Variants in CERS6 observed in about 807,000 individuals in gnomAD.
CERS6 encodes the protein LAG1 homolog, ceramide synthase 6.
Under a neutral mutation model 56.8 loss-of-function variants are expected in CERS6, and 26 were observed. The observed-to-expected ratio is 0.46, with a 90% confidence interval of 0.34 to 0.63. The LOEUF (loss-of-function observed/expected upper bound fraction) is 0.63. Ranked by LOEUF, CERS6 falls within the 30% of genes least tolerant of loss-of-function variation. The pLI, the probability that CERS6 is intolerant of heterozygous loss-of-function variation, is 0.01. For synonymous variants in CERS6, 164 were observed against 173.3 expected, an observed-to-expected ratio of 0.95 and a Z score of 0.42; for missense variants, 415 against 467.5, an observed-to-expected ratio of 0.89 and a Z score of 1.04.
intron 8 of CERS6, among the ~76,000 whole-genome samples, chr2:168,750,264 A>G (rs1684223548): frequency 6.6e-6 from 1 of 152,224 alleles, no homozygotes; most frequent in South Asian, 2.1e-4. Flanking sequence ...GCTGTATGTT[A>G]TCATTCTCAT....
At chr2:168,466,399 C>T (rs1693878364) in intron 1 of CERS6, among the ~76,000 whole-genome samples, 2 of 152,132 alleles carry the variant, frequency 1.3e-5, no homozygotes, top group South Asian at 2.1e-4. Context: ...CAGGTATATC[C>T]TATGGAAGCT....
chr2:168,528,650 G>GAGGAATTTGCAAGCAAATTTGTT (rs71003044), intron 1 of CERS6, among the ~76,000 whole-genome samples: 1 of 151,992 alleles, frequency 6.6e-6, no homozygotes, highest in Non-Finnish European at 1.5e-5. Context: ...AGAAGAACTA[G>GAGGAATTTGCAAGCAAATTTGTT]AGGTTCATAG....
intron 2 of CERS6, among the ~76,000 whole-genome samples, chr2:168,557,390 G>GGGTT (rs2105378795): frequency 6.6e-6 from 1 of 152,228 alleles, no homozygotes; most frequent in South Asian, 2.1e-4. Flanking sequence ...AATACTAACA[G>GGGTT]GGTTCCTTGT....
intron 4 of CERS6, among the ~76,000 whole-genome samples, chr2:168,648,772 C>A (rs188086792): frequency 1.4e-3 from 206 of 152,092 alleles, no homozygotes; most frequent in African/African-American, 4.6e-3. Context: ...GCCTTAATTT[C>A]TTTATTTCCA....
At chr2:168,731,917 C>T (rs769119344) in intron 8 of CERS6, among the ~76,000 whole-genome samples, 2 of 152,190 alleles carry the variant, frequency 1.3e-5, no homozygotes, top group Non-Finnish European at 1.5e-5. Context: ...ATGTTAGGAG[C>T]ACAATTTGCC....
At chr2:168,464,174 T>TTG (rs35372610) in intron 1 of CERS6, among the ~76,000 whole-genome samples, 19,271 of 139,538 alleles carry the variant, frequency 0.14, 1,361 homozygotes, top group Non-Finnish European at 0.16. Flanking sequence ...TTTATACTTT[T>TTG]TGTGTGTGTG....
chr2:168,744,432 T>G (rs1684037886), intron 8 of CERS6, among the ~76,000 whole-genome samples: 3 of 152,150 alleles, frequency 2.0e-5, no homozygotes, highest in Admixed American at 6.5e-5. Flanking sequence ...TGGGCTTTAC[T>G]TATTGTCTGA....
chr2:168,576,378 T>C (rs1349302806), intron 3 of CERS6, among the ~76,000 whole-genome samples: 1 of 152,234 alleles, frequency 6.6e-6, no homozygotes, highest in Non-Finnish European at 1.5e-5. Context: ...TTTCATTTAC[T>C]GCCCAAATAC....
chr2:168,488,555 T>C (rs1037078263), intron 1 of CERS6, among the ~76,000 whole-genome samples: 1 of 152,116 alleles, frequency 6.6e-6, no homozygotes, highest in African/African-American at 2.4e-5. Context: ...TTAATATAGT[T>C]AGTGACATGA....
At chr2:168,727,216 A>G (rs1439255425) in intron 8 of CERS6, among the ~76,000 whole-genome samples, 1 of 151,930 alleles carries the variant, frequency 6.6e-6, no homozygotes, top group East Asian at 1.9e-4. Context: ...TAGGGGAATT[A>G]TCTGTGGATT....
chr2:168,617,707 C>CAATAACAAGCAGTGAGATTCA lies in CERS6; in HGVS notation c.408-13274_408-13254dup, dbSNP rs796737678. ...GAAGAATTAGACACCCTGAACGGAC[C>CAATAACAAGCAGTGAGATTCA]AATAACAAGCAGTGAGATTCAAATG... On this transcript the variant is annotated intron_variant, in intron 3 of 9. Transcript: ENST00000305747. Among the ~76,000 whole-genome samples, 199 of 152,150 alleles carry CAATAACAAGCAGTGAGATTCA rather than the reference C, an allele frequency of 1.3e-3. 4 individuals carry two copies. Among genetic ancestry groups the CAATAACAAGCAGTGAGATTCA allele is most frequent in the African/African-American group, 4.7e-3 (195 of 41,512 alleles).
chr2:168,619,883 A>T (rs115730759), intron 3 of CERS6, among the ~76,000 whole-genome samples: 1 of 151,060 alleles, frequency 6.6e-6, no homozygotes, highest in Admixed American at 6.6e-5. Context: ...TTGCACACTC[A>T]TGTTTATAGC....
intron 8 of CERS6, among the ~76,000 whole-genome samples, chr2:168,719,247 G>T (rs1161739573): frequency 6.6e-6 from 1 of 152,184 alleles, no homozygotes; most frequent in Non-Finnish European, 1.5e-5. Context: ...ATAATTTGGG[G>T]TATGGGGTGG....
At chr2:168,549,586 G>T (rs1695529043) in intron 2 of CERS6, among the ~76,000 whole-genome samples, 1 of 152,170 alleles carries the variant, frequency 6.6e-6, no homozygotes, top group African/African-American at 2.4e-5. Flanking sequence ...AGTGAGCAGA[G>T]ATCACGCCAC....
At chr2:168,509,003 TC>T (rs1200802249) in intron 1 of CERS6, among the ~76,000 whole-genome samples, 1 of 152,186 alleles carries the variant, frequency 6.6e-6, no homozygotes, top group African/African-American at 2.4e-5. Flanking sequence ...AGTTTTACTT[TC>T]TAGATGGTAA....
At chr2:168,602,095 C>A (rs1276420021) in intron 3 of CERS6, among the ~76,000 whole-genome samples, 2 of 152,152 alleles carry the variant, frequency 1.3e-5, no homozygotes, top group African/African-American at 2.4e-5. Flanking sequence ...ATGCTGTACA[C>A]GTATTTCAGC....
intron 6 of CERS6, among the ~76,000 whole-genome samples, chr2:168,707,754 G>T (rs1263010909): frequency 6.6e-6 from 1 of 152,114 alleles, no homozygotes; most frequent in Non-Finnish European, 1.5e-5. Flanking sequence ...AGAATCAACT[G>T]ATTTCTGTAA....
intron 1 of CERS6, among the ~76,000 whole-genome samples, chr2:168,500,731 T>C (rs1694564826): frequency 6.6e-6 from 1 of 152,154 alleles, no homozygotes; most frequent in Non-Finnish European, 1.5e-5. Flanking sequence ...TCAGACAAGC[T>C]TTGGGGATTA....
intron 1 of CERS6, among the ~76,000 whole-genome samples, chr2:168,477,523 G>A (rs961738439): frequency 6.6e-6 from 1 of 152,132 alleles, no homozygotes; most frequent in African/African-American, 2.4e-5. Flanking sequence ...CATATAAAAT[G>A]CATATATTTA....
Sources: allele counts gnomAD v4.1 joint callset (sites outside exome capture counted in the v4.1 genomes callset), GRCh38; gene constraint gnomAD v4.1.1; transcripts MANE v1.5; gene names NCBI Gene and HGNC (gene_info 2026-07-23, HGNC 2026-07-21).